NUP205: variants seen among roughly 807,000 people sequenced by gnomAD.
The protein encoded by NUP205 is nuclear pore complex protein Nup205.
Under a neutral mutation model 253.8 loss-of-function variants are expected in NUP205, and 76 were observed. That is an observed-to-expected ratio of 0.30 (90% CI 0.25 to 0.36). The LOEUF (loss-of-function observed/expected upper bound fraction) is 0.36. Among genes scored for constraint, NUP205 ranks in the 10% least tolerant of loss-of-function variants. The pLI, the probability that NUP205 is intolerant of heterozygous loss-of-function variation, is 1.00. For missense variants in NUP205, 2,162 were observed against 2,425.5 expected (o/e 0.89, Z 2.28); for synonymous variants, 832 against 850.1 (o/e 0.98, Z 0.37).
chr7:135,583,338 C>A (rs1399446504), intron 7 of NUP205, among the ~76,000 whole-genome samples: 4 of 152,096 alleles, frequency 2.6e-5, no homozygotes, highest in Non-Finnish European at 4.4e-5. Flanking sequence ...GAGCAGTAAT[C>A]AGCAATATGT....
chr7:135,579,206 T>G (rs1806238665), intron 7 of NUP205, among the ~76,000 whole-genome samples: 2 of 152,074 alleles, frequency 1.3e-5, no homozygotes, highest in South Asian at 4.2e-4. Flanking sequence ...AATTTTTTTT[T>G]TTTTTGAGAT....
chr7:135,598,344 G>A, intron 15 of NUP205, 137 bp downstream of exon 15: 2 of 795,730 alleles, frequency 2.5e-6, no homozygotes, highest in Non-Finnish European at 3.9e-6. Flanking sequence ...TATCTATGAA[G>A]TGGTCTGATT....
At position 135,648,610 on chromosome 7, in the gene NUP205, C is replaced by T. The variant is rs1159625792; in HGVS notation, c.*54C>T. ...GAGATGAATTGGGGAGAATTGTCTC[C>T]ATTTTATAGATTAGTTTCTTTCTAA... On this transcript the variant is annotated 3_prime_UTR_variant, in exon 43 of 43. Coordinates refer to ENST00000285968, the MANE Select transcript of NUP205 (RefSeq NM_015135.3). 3 of 1,313,602 alleles carry T rather than the reference C, an allele frequency of 2.3e-6. No individual in the cohort carries two copies. Among genetic ancestry groups the T allele is most frequent in the Non-Finnish European group, 3.0e-6 (3 of 1,000,286 alleles). The allele number at this position is 1,313,602 out of a possible 1,614,324, so 81.4% of individuals were successfully genotyped here.
chr7:135,570,714 A>AATTATATTTATATATTATATTAATAT (rs1805947175), intron 1 of NUP205, among the ~76,000 whole-genome samples: 1 of 42,578 alleles, frequency 2.3e-5, no homozygotes, highest in Non-Finnish European at 4.5e-5. Context: ...ATATTAATAT[A>AATTATATTTATATATTATATTAATAT]ATTAATTATA....
intron 7 of NUP205, among the ~76,000 whole-genome samples, chr7:135,583,781 T>TA (rs2129490019): frequency 6.6e-6 from 1 of 151,772 alleles, no homozygotes; most frequent in South Asian, 2.1e-4. Context: ...AAAATAAAGA[T>TA]ACGATAATGG....
chr7:135,647,234 A>G (rs1795029040), intron 42 of NUP205, among the ~76,000 whole-genome samples: 1 of 152,232 alleles, frequency 6.6e-6, no homozygotes, highest in African/African-American at 2.4e-5. Context: ...AGCCATCTGA[A>G]TGTCCTTAGC....
At chr7:135,608,579 G>A (rs577420380) in intron 22 of NUP205, among the ~76,000 whole-genome samples, 1 of 151,898 alleles carries the variant, frequency 6.6e-6, no homozygotes, top group Non-Finnish European at 1.5e-5. Context: ...GTGGTGGCAC[G>A]TGCCTGTAAT....
At position 135,597,413 on chromosome 7, in the gene NUP205, A is replaced by G; in HGVS notation, c.2059A>G (p.Ile687Val). ...RIPSQRQAIG[I>V]EVELNEIESR... ...TCCAAGCCAAAGGCAAGCTATTGGT[A>G]TTGAGGTAAAGTTTTCCTTTTAGTT... is the stretch of plus-strand genomic sequence containing the variant. The change falls in exon 14 of 43, where the codon ATT becomes GTT. Residue 687 changes from isoleucine (I) to valine (V), a missense_variant. This residue lies in a region of NUP205 where 892 missense variants were observed against 957.1 expected (regional missense o/e 0.93). Transcript: ENST00000285968. 6.2e-7 allele frequency: 1 copy of G among 1,604,586 alleles called. No individual in the cohort carries two copies. Among genetic ancestry groups the G allele is most frequent in the Non-Finnish European group, 8.5e-7 (1 of 1,171,378 alleles).
In NUP205 at chr7:135,619,656, A is replaced by G; in HGVS notation, c.4197A>G (p.Ile1399Met). The G allele has an allele frequency of 3.7e-6, 6 of 1,614,048 alleles. No individual in the cohort carries two copies. The highest frequency in any genetic ancestry group is 1.1e-5 in the South Asian group (1 of 91,076). ...TTGGAGATTCTTCACTTTACATCAT[A>G]TTGAAGAAACTGTTAGACTTCATTT... is the stretch of plus-strand genomic sequence containing the variant. ...ASIGDSSLYI[I>M]LKKLLDFILK... Residue 1399 changes from isoleucine to methionine, a missense_variant, in exon 29 of 43, where the codon ATA becomes ATG. By Grantham distance (10) the Ile-to-Met change is conservative. This residue lies in a region of NUP205 where 1,144 missense variants were observed against 1,280.9 expected (regional missense o/e 0.89). Coordinates refer to ENST00000285968, the MANE Select transcript of NUP205 (RefSeq NM_015135.3).
At chr7:135,587,244 G>C (rs983933197) in intron 8 of NUP205, among the ~76,000 whole-genome samples, 5 of 152,058 alleles carry the variant, frequency 3.3e-5, no homozygotes, top group Non-Finnish European at 7.4e-5. Flanking sequence ...TAGTTCCAAG[G>C]ATGCTAAATG....
At chr7:135,617,846 T>G (rs12538982) in intron 27 of NUP205, among the ~76,000 whole-genome samples, 164 bp downstream of exon 27, 20 of 151,176 alleles carry the variant, frequency 1.3e-4, no homozygotes, top group Non-Finnish European at 2.8e-4. Flanking sequence ...TTTTATAAAC[T>G]GAACTATCTG....
At chr7:135,631,869 C>A (rs1382938284) in intron 35 of NUP205, among the ~76,000 whole-genome samples, 1 of 152,008 alleles carries the variant, frequency 6.6e-6, no homozygotes, top group Non-Finnish European at 1.5e-5. Flanking sequence ...CCTGCCTCAG[C>A]CTCCCGAGCA....
At chr7:135,597,514 A>G in intron 14 of NUP205, 96 bp downstream of exon 14, 2 of 712,804 alleles carry the variant, frequency 2.8e-6, no homozygotes, top group Non-Finnish European at 4.8e-6. Context: ...TTCCATAATT[A>G]TCAAATTTAA....
chr7:135,645,438 T>G (rs770716305), intron 40 of NUP205, 30 bp from the exon 41 acceptor site: 3 of 1,606,236 alleles, frequency 1.9e-6, no homozygotes, highest in Non-Finnish European at 2.5e-6. Flanking sequence ...TTGATGAGAT[T>G]ATGTTCCTTT....
At chr7:135,570,042 T>TAG (rs1805901274) in intron 1 of NUP205, among the ~76,000 whole-genome samples, 3 of 99,766 alleles carry the variant, frequency 3.0e-5, no homozygotes, top group East Asian at 2.6e-4. Flanking sequence ...TATATATATA[T>TAG]ATATATATAT....
chr7:135,587,543 C>T (rs1806502271), intron 8 of NUP205, 32 bp from the exon 9 acceptor site: 2 of 1,287,330 alleles, frequency 1.6e-6, no homozygotes, highest in Non-Finnish European at 2.2e-6. Flanking sequence ...AATACATTTA[C>T]ATATTAAAAC....
chr7:135,610,062 G>A (rs149518755), intron 22 of NUP205, among the ~76,000 whole-genome samples: 18 of 152,214 alleles, frequency 1.2e-4, no homozygotes, highest in African/African-American at 3.9e-4. Context: ...AGGATTTGTT[G>A]GGCCAGATTG....
At chr7:135,608,964 C>T (rs1189175329) in intron 22 of NUP205, among the ~76,000 whole-genome samples, 1 of 150,442 alleles carries the variant, frequency 6.6e-6, no homozygotes, top group African/African-American at 2.4e-5. Context: ...ATTAGCTGGG[C>T]CTGGTTGTGG....
At chr7:135,602,579 A>G (rs1793988296) in intron 17 of NUP205, among the ~76,000 whole-genome samples, 1 of 152,236 alleles carries the variant, frequency 6.6e-6, no homozygotes, top group Non-Finnish European at 1.5e-5. Context: ...TCTGGATTGC[A>G]AAATAACGAT....
Sources: allele counts gnomAD v4.1 joint callset (sites outside exome capture counted in the v4.1 genomes callset), GRCh38; gene constraint gnomAD v4.1.1; regional missense constraint gnomAD v4.1.1; transcripts MANE v1.5; gene names NCBI Gene and HGNC (gene_info 2026-07-23, HGNC 2026-07-21).